The following MEP1A variants were observed in gnomAD, a reference collection of about 807,000 sequenced individuals.
MEP1A encodes the protein N-benzoyl-L-tyrosyl-P-amino-benzoic acid hydrolase subunit alpha.
MEP1A carries 68 observed loss-of-function variants against 84.5 expected under a neutral mutation model. The observed-to-expected ratio is 0.80, with a 90% CI of 0.66 to 0.98. The LOEUF (loss-of-function observed/expected upper bound fraction) is 0.98. Among genes scored for constraint, MEP1A ranks in the 50% least tolerant of loss-of-function variants. The probability of loss-of-function intolerance (pLI) is 0.00; values close to 1 mark genes in which losing one functional copy is unlikely to be tolerated. For synonymous variants in MEP1A, 337 were observed against 336.8 expected, an observed-to-expected ratio of 1.00 and a Z score of -0.01; for missense variants, 887 against 919.9, an observed-to-expected ratio of 0.96 and a Z score of 0.46.
chr6:46,809,452 T>C lies in MEP1A; in HGVS notation c.295T>C (p.Phe99Leu). ...TGCTAAAGGAGCCATTCTGTATGCCTTTGAGATGTTCCGTCTCAAGTCCTG... is the reference window on the plus strand; with the variant it reads ...TGCTAAAGGAGCCATTCTGTATGCCCTTGAGATGTTCCGTCTCAAGTCCTG... ...LNAKGAILYA[F>L]EMFRLKSCVD... The change falls in exon 6 of 14, where the codon TTT becomes CTT. Residue 99 changes from phenylalanine to leucine, a missense_variant. Coordinates refer to ENST00000230588, the MANE Select transcript of MEP1A (RefSeq NM_005588.3). 2 of 1,609,798 alleles carry C rather than the reference T, an allele frequency of 1.2e-6. No individual in the cohort carries two copies. Among genetic ancestry groups the C allele is most frequent in the Non-Finnish European group, 1.7e-6 (2 of 1,177,428 alleles).
At chr6:46,811,147 G>A (rs777739312) in intron 6 of MEP1A, among the ~76,000 whole-genome samples, 49 of 152,060 alleles carry the variant, frequency 3.2e-4, no homozygotes, top group African/African-American at 1.1e-3. Context: ...ATTTCTTTCA[G>A]CAGTGTTTTG....
rs1415533875 is a variant in MEP1A, at chr6:46,804,036, AAC to A, written c.262+4857_262+4858del. Among the ~76,000 whole-genome samples, 12 of 151,736 alleles carry A rather than the reference AAC, an allele frequency of 7.9e-5. No individual in the cohort carries two copies. The South Asian group carries it at 2.5e-3, about 31-fold the overall frequency. On this transcript the variant is annotated intron_variant, in intron 5 of 13. Transcript: ENST00000230588. ...CTATAGTGTTAGAATTTTTTATTTA[AAC>A]AGTTATCTTTTAAAGTAATTGATGA...
At chr6:46,828,902 T>C (rs965944332) in intron 9 of MEP1A, among the ~76,000 whole-genome samples, 6 of 123,782 alleles carry the variant, frequency 4.8e-5, no homozygotes, top group African/African-American at 1.9e-4. Flanking sequence ...ACAGGGGAAA[T>C]TGAACCCTTA....
chr6:46,824,225 C>T (rs1039492555), intron 7 of MEP1A, among the ~76,000 whole-genome samples: 2 of 151,990 alleles, frequency 1.3e-5, no homozygotes, highest in Admixed American at 6.6e-5. Context: ...CTCAGCTTTG[C>T]TATTTTACCT....
In MEP1A at chr6:46,833,323, A is replaced by G. The variant is rs1452158131; in HGVS notation, c.1394A>G (p.Tyr465Cys). 4 of 1,614,200 alleles carry G rather than the reference A, an allele frequency of 2.5e-6. No individual in the cohort carries two copies. Among genetic ancestry groups the G allele is most frequent in the Non-Finnish European group, 2.5e-6 (3 of 1,180,024 alleles). ...CCTCGATTCTACAATTCGGAGGGAT[A>G]TGGTTTTGGGGTAACTTTATACCCA... The part of the protein sequence containing the change: ...QSPRFYNSEG[Y>C]GFGVTLYPNS... Residue 465 changes from tyrosine (Y) to cysteine (C), a missense_variant, in exon 11 of 14, where the codon TAT (tyrosine) becomes TGT (cysteine). Tyr to Cys is a radical substitution (Grantham distance 194). Transcript: ENST00000230588.
At chr6:46,831,747 T>G (rs1276553770) in intron 10 of MEP1A, among the ~76,000 whole-genome samples, 1 of 152,208 alleles carries the variant, frequency 6.6e-6, no homozygotes, top group East Asian at 1.9e-4. Flanking sequence ...GCTGGATAAA[T>G]AGTTCAAATC....
intron 5 of MEP1A, among the ~76,000 whole-genome samples, chr6:46,808,172 A>G (rs1247248110): frequency 6.6e-6 from 1 of 151,976 alleles, no homozygotes; most frequent in African/African-American, 2.4e-5. Flanking sequence ...TTGTGACACC[A>G]CAGCTACCTT....
intron 7 of MEP1A, among the ~76,000 whole-genome samples, chr6:46,822,601 C>T (rs113905127): frequency 1.6e-4 from 25 of 152,148 alleles, no homozygotes; most frequent in African/African-American, 3.4e-4. Context: ...TGGAGTGCAA[C>T]GGTGCAATCT....
Position 46,834,652 on chromosome 6 carries a change from A to G in MEP1A, c.1684A>G (p.Ser562Gly). 1 of 1,611,454 alleles carries G rather than the reference A, an allele frequency of 6.2e-7. No homozygotes were observed. Among genetic ancestry groups the G allele is most frequent in the Non-Finnish European group, 8.5e-7 (1 of 1,179,458 alleles). ...TYHTDCNCFR[S>G]IDLGWSGFIS... ...TCATACGGACTGTAATTGTTTTAGA[A>G]GCATCGACTTGGGCTGGAGTGGTTT... The change falls in exon 12 of 14, where the codon AGC (serine) becomes GGC (glycine). Residue 562 changes from serine to glycine, a missense_variant. Transcript: ENST00000230588.
At chr6:46,812,050 C>A (rs1767514520) in intron 6 of MEP1A, among the ~76,000 whole-genome samples, 1 of 152,032 alleles carries the variant, frequency 6.6e-6, no homozygotes, top group South Asian at 2.1e-4. Context: ...GGATTGGTAC[C>A]AATTCTTCTT....
intron 6 of MEP1A, among the ~76,000 whole-genome samples, chr6:46,814,840 G>T (rs1364467978): frequency 6.6e-6 from 1 of 151,414 alleles, no homozygotes; most frequent in Non-Finnish European, 1.5e-5. Flanking sequence ...CCACCCAGCA[G>T]AGCTACTGGG....
At chr6:46,796,928 T>G (rs1453863988) in intron 3 of MEP1A, among the ~76,000 whole-genome samples, 1 of 152,238 alleles carries the variant, frequency 6.6e-6, no homozygotes, top group East Asian at 1.9e-4. Context: ...GATTCAAATC[T>G]GGGTCCTACT....
chr6:46,840,347 C>G (rs563464069), downstream of MEP1A, among the ~76,000 whole-genome samples: 2 of 152,122 alleles, frequency 1.3e-5, no homozygotes, highest in Non-Finnish European at 2.9e-5. Context: ...GATTACAAGG[C>G]CCTACACCCA....
intron 6 of MEP1A, among the ~76,000 whole-genome samples, chr6:46,816,945 A>G (rs1767652295): frequency 6.6e-6 from 1 of 152,164 alleles, no homozygotes. Flanking sequence ...GTTTGGTGCA[A>G]GGTTCATTCT....
In MEP1A at chr6:46,829,983, C is replaced by T. The variant is rs141179207; in HGVS notation, c.1144+412C>T. Reference sequence around the variant, plus strand: ...AGTAGTTAAATAGTTGACCAGCTCACGCCTGGAATCCCAGCACTTTGGGAG... The same window carrying T: ...AGTAGTTAAATAGTTGACCAGCTCATGCCTGGAATCCCAGCACTTTGGGAG... On this transcript the variant is annotated intron_variant, in intron 10 of 13. Coordinates refer to ENST00000230588, the MANE Select transcript of MEP1A (RefSeq NM_005588.3). 9.7e-3 allele frequency among the ~76,000 whole-genome samples: 1,478 copies of T among 152,130 alleles called. 25 individuals carry two copies. The highest frequency in any genetic ancestry group is 0.034 in the African/African-American group (1,404 of 41,504).
At chr6:46,824,874 C>G (rs183093343) in intron 7 of MEP1A, among the ~76,000 whole-genome samples, 10,646 of 43,828 alleles carry the variant, frequency 0.24, 2,220 homozygotes, top group African/African-American at 0.32. Flanking sequence ...TTAAATAGAT[C>G]TATTTAAATA....
intron 6 of MEP1A, among the ~76,000 whole-genome samples, chr6:46,818,358 A>G (rs1323646123): frequency 1.3e-5 from 2 of 152,220 alleles, no homozygotes; most frequent in Non-Finnish European, 2.9e-5. Context: ...ATTGGCAGGT[A>G]AGACACTGTG....
chr6:46,835,399 AG>A lies in MEP1A; in HGVS notation c.1938del (p.Gln647SerfsTer40). 1 of 1,612,386 alleles carries A rather than the reference AG, an allele frequency of 6.2e-7. No homozygotes were observed. Among genetic ancestry groups the A allele is most frequent in the Non-Finnish European group, 8.5e-7 (1 of 1,179,264 alleles). On this transcript the variant is annotated frameshift_variant, in exon 13 of 14. Transcript: ENST00000230588. LOFTEE classifies it high-confidence loss of function. ...GAAGCCCTACCTGTCAGCCTGAGCC[AG>A]GGGCAGCCCAGCCGACAGAAGCGGT... ...LEEALPVSLS[Q>X]GQPSRQKRSV...
chr6:46,841,926 A>T (rs1409651364), downstream of MEP1A, among the ~76,000 whole-genome samples: 2 of 152,236 alleles, frequency 1.3e-5, no homozygotes, highest in Middle Eastern at 6.3e-3. Context: ...GACCAGCTGG[A>T]GCCGCAGCAG....
Sources: gnomAD v4.1 joint callset for allele counts (sites outside exome capture counted in the v4.1 genomes callset) on GRCh38, gnomAD v4.1.1 for gene constraint, MANE v1.5 for transcripts, NCBI Gene and HGNC (gene_info 2026-07-23, HGNC 2026-07-21) for gene names.